TPST2: variants seen among roughly 807,000 people sequenced by gnomAD.
The protein encoded by TPST2 is tyrosylprotein sulfotransferase 2, also known as protein-tyrosine sulfotransferase 2.
In TPST2, 16 loss-of-function variants were observed where a neutral mutation model predicts 27.8. The ratio of observed to expected loss-of-function variants is 0.58; its 90% CI spans 0.39 to 0.88. The LOEUF is 0.88. Ranked by LOEUF, TPST2 falls within the 40% of genes least tolerant of loss-of-function variation. The pLI is 0.00. For synonymous variants in TPST2, 229 were observed against 231.7 expected (o/e 0.99, Z 0.10); for missense variants, 464 against 543.1 (o/e 0.85, Z 1.45).
At chr22:26,589,247 T>C (rs559590825) in intron 1 of TPST2, among the ~76,000 whole-genome samples, 4 of 152,238 alleles carry the variant, frequency 2.6e-5, no homozygotes, top group African/African-American at 7.2e-5. Context: ...CTAATGACTC[T>C]GCTGAGGTGG....
Position 26,526,033 on chromosome 22 carries a change from G to C in TPST2, c.*242C>G, listed in dbSNP as rs1924814832. 6.6e-6 allele frequency: 1 copy of C among 152,210 alleles called. No individual in the cohort carries two copies. The highest frequency in any genetic ancestry group is 6.5e-5 in the Admixed American group (1 of 15,284). 9.4% of individuals were successfully genotyped at this position (152,210 alleles called of 1,614,324 possible). Reference sequence around the variant, plus strand: ...GAGGGGAAAAATATAAAATACCTAAGTTTCAAAAGCCGGACTACTTCCATA... The same window carrying C: ...GAGGGGAAAAATATAAAATACCTAACTTTCAAAAGCCGGACTACTTCCATA... On this transcript the variant is annotated 3_prime_UTR_variant, in exon 7 of 7. Coordinates refer to ENST00000338754, the MANE Select transcript of TPST2 (RefSeq NM_003595.5).
At chr22:26,562,049 C>T (rs1169227736) in intron 1 of TPST2, among the ~76,000 whole-genome samples, 10 of 152,202 alleles carry the variant, frequency 6.6e-5, no homozygotes, top group Non-Finnish European at 1.3e-4. Flanking sequence ...GAACACCAAG[C>T]AGTCAACAAG....
intron 1 of TPST2, chr22:26,565,865 C>G (rs1008764301): frequency 2.6e-5 from 4 of 151,788 alleles, no homozygotes; most frequent in Non-Finnish European, 5.9e-5. Context: ...TTCAGCACAT[C>G]TCAATTTGGA....
At chr22:26,581,983 G>A (rs1038141410) in intron 1 of TPST2, among the ~76,000 whole-genome samples, 24 of 152,178 alleles carry the variant, frequency 1.6e-4, no homozygotes, top group African/African-American at 4.8e-4. Context: ...TACAGGTAGC[G>A]GGCCGGATGT....
chr22:26,533,307 G>A (rs1925269587), intron 4 of TPST2, among the ~76,000 whole-genome samples: 1 of 152,102 alleles, frequency 6.6e-6, no homozygotes, highest in Non-Finnish European at 1.5e-5. Context: ...AGCTGCTCTG[G>A]AGCTACTCCA....
chr22:26,555,798 C>T lies in TPST2; in HGVS notation c.-160-11123G>A, dbSNP rs1053287553. Among the ~76,000 whole-genome samples, 127 of 152,218 alleles carry T rather than the reference C, an allele frequency of 8.3e-4. 2 individuals are homozygous for T. The highest frequency in any genetic ancestry group is 8.0e-3 in the Admixed American group (123 of 15,284). ...GACAGGCACCACAACAAAGTGGCAT[C>T]GACTCCCACTGCAGGCCTCCCACGG... is the stretch of plus-strand genomic sequence containing the variant. On this transcript the variant is annotated intron_variant, in intron 1 of 6. Coordinates refer to ENST00000338754, the MANE Select transcript of TPST2 (RefSeq NM_003595.5).
At position 26,523,388 on chromosome 22, in the gene TPST2, C is replaced by G. The variant is rs1055235603; in HGVS notation, c.*2887G>C. On this transcript the variant is annotated 3_prime_UTR_variant, in exon 7 of 7. Transcript: ENST00000338754. ...TATTGAGAGGAAGTACAAATAGAGC[C>G]ACTTGCCTTCTTACTATCAATTCTG... The G allele has an allele frequency of 6.6e-6, 1 of 152,006 alleles. No individual in the cohort carries two copies. Among genetic ancestry groups the G allele is most frequent in the South Asian group, 2.1e-4 (1 of 4,804 alleles). The allele number at this position is 152,006 out of a possible 1,614,324, so 9.4% of individuals were successfully genotyped here. A position where few individuals can be genotyped will look rare whatever the true frequency, so the allele number is the denominator to read the frequency against.
chr22:26,528,107 G>T, intron 6 of TPST2, 107 bp downstream of exon 6: 1 of 1,343,372 alleles, frequency 7.4e-7, no homozygotes, highest in Non-Finnish European at 1.0e-6. Flanking sequence ...TAGTGGACAT[G>T]TCTACCCCAG....
At chr22:26,581,024 A>C in intron 1 of TPST2, among the ~76,000 whole-genome samples, 1 of 7,154 alleles carries the variant, frequency 1.4e-4, no homozygotes. Flanking sequence ...ATACATACAC[A>C]CACACACACA....
chr22:26,588,572 G>A (rs1362971350), intron 1 of TPST2, among the ~76,000 whole-genome samples: 5 of 152,130 alleles, frequency 3.3e-5, no homozygotes, highest in Admixed American at 6.5e-5. Flanking sequence ...TATAAAAAAA[G>A]TTTGCATGAG....
chr22:26,577,587 A>G (rs553671752), intron 1 of TPST2, among the ~76,000 whole-genome samples: 18 of 149,260 alleles, frequency 1.2e-4, no homozygotes, highest in East Asian at 6.0e-4. Context: ...CTGACCTTGT[A>G]ATCTGCCCGC....
At position 26,590,072 on chromosome 22, in the gene TPST2, GC is replaced by G. The variant is rs1928499178; in HGVS notation, c.-181del. ...ACCTACCGTGGCGAGACGCGGCGAG[GC>G]AGCCCCACGCACCCAGCGACTCCCG... On this transcript the variant is annotated 5_prime_UTR_variant, in exon 1 of 7. Transcript: ENST00000338754. The G allele has an allele frequency of 6.6e-6, 1 of 151,810 alleles. No homozygotes were observed. The highest frequency in any genetic ancestry group is 2.4e-5 in the African/African-American group (1 of 41,390). 9.4% of individuals were successfully genotyped at this position (151,810 alleles called of 1,614,324 possible).
chr22:26,576,760 AAGG>A (rs1927851746), intron 1 of TPST2, among the ~76,000 whole-genome samples: 1 of 151,902 alleles, frequency 6.6e-6, no homozygotes, highest in South Asian at 2.1e-4. Context: ...CACTTGAGAC[AAGG>A]AGTTCAAGAC....
chr22:26,575,200 G>A (rs1460035380), intron 1 of TPST2, among the ~76,000 whole-genome samples: 1 of 152,148 alleles, frequency 6.6e-6, no homozygotes, highest in Non-Finnish European at 1.5e-5. Context: ...TGGAGGTTGA[G>A]ATGAATTTGC....
Position 26,541,810 on chromosome 22 carries a change from C to CT in TPST2, c.-88-93dup. The stretch of plus-strand genomic sequence containing the variant: ...AAGCCCTATAACTGCAAACAAGAGG[C>CT]TGCTGACATGAATGCAGAGGGCACC... On this transcript the variant is annotated intron_variant, in intron 2 of 6. Transcript: ENST00000338754. The surrounding 1 kb of genome is among the most constrained non-coding windows in gnomAD (Gnocchi z 5.9). 8.0e-7 allele frequency: 1 copy of CT among 1,242,676 alleles called. No homozygotes were observed. Among genetic ancestry groups the CT allele is most frequent in the South Asian group, 1.6e-5 (1 of 62,298 alleles). The allele number at this position is 1,242,676 out of a possible 1,614,324, so 77.0% of individuals were successfully genotyped here.
chr22:26,566,796 G>A (rs1453294284), intron 1 of TPST2, among the ~76,000 whole-genome samples: 2 of 151,898 alleles, frequency 1.3e-5, no homozygotes, highest in South Asian at 2.1e-4. Context: ...AACTCCTTAA[G>A]GCCAGGACAA....
intron 3 of TPST2, among the ~76,000 whole-genome samples, chr22:26,536,920 G>T (rs552501689): frequency 6.6e-6 from 1 of 152,062 alleles, no homozygotes; most frequent in Non-Finnish European, 1.5e-5. Flanking sequence ...GGTAACAAGC[G>T]CCTGTAGTCC....
chr22:26,577,009 T>C (rs1927866043), intron 1 of TPST2, among the ~76,000 whole-genome samples: 1 of 146,168 alleles, frequency 6.8e-6, no homozygotes, highest in African/African-American at 2.6e-5. Flanking sequence ...AGCAGGAGAA[T>C]GGTGTGAACC....
At chr22:26,566,495 G>C (rs558377583) in intron 1 of TPST2, among the ~76,000 whole-genome samples, 1 of 152,166 alleles carries the variant, frequency 6.6e-6, no homozygotes, top group South Asian at 2.1e-4. Flanking sequence ...AGAGGTTGCA[G>C]TAAGCTGAGA....
Sources: gnomAD v4.1 joint callset for allele counts (sites outside exome capture counted in the v4.1 genomes callset) on GRCh38, gnomAD v4.1.1 for gene constraint, Gnocchi (gnomAD v3.1) non-coding constraint, MANE v1.5 for transcripts, NCBI Gene and HGNC (gene_info 2026-07-23, HGNC 2026-07-21) for gene names.